CACUL1: variants seen among roughly 807,000 people sequenced by gnomAD.
The protein encoded by CACUL1 is CDK2 associated cullin domain 1.
CACUL1 carries 13 observed loss-of-function variants against 45.2 expected under a neutral mutation model. The ratio of observed to expected loss-of-function variants is 0.29; its 90% CI spans 0.19 to 0.46. The LOEUF is 0.46. Ranked by LOEUF, CACUL1 falls within the 20% of genes least tolerant of loss-of-function variation. The probability of loss-of-function intolerance (pLI) is 1.00; values close to 1 mark genes in which losing one functional copy is unlikely to be tolerated. For missense variants in CACUL1, 421 were observed against 471.4 expected, an observed-to-expected ratio of 0.89 and a Z score of 0.99; for synonymous variants, 197 against 174.2, an observed-to-expected ratio of 1.13 and a Z score of -1.03.
chr10:118,681,667 T>C lies in CACUL1; in HGVS notation c.*4461A>G, dbSNP rs1297332342. The C allele has an allele frequency of 6.6e-6, 1 of 152,138 alleles. No individual in the cohort carries two copies. Among genetic ancestry groups the C allele is most frequent in the Non-Finnish European group, 1.5e-5 (1 of 68,028 alleles). The allele number at this position is 152,138 out of a possible 1,614,324, so 9.4% of individuals were successfully genotyped here. ...CAGCAGGGATGCAATATATAGTAGGTTCCCCTATGAATGAAGCTCAAATTA... is the reference window on the plus strand; with the variant it reads ...CAGCAGGGATGCAATATATAGTAGGCTCCCCTATGAATGAAGCTCAAATTA... On this transcript the variant is annotated 3_prime_UTR_variant, in exon 9 of 9. Coordinates refer to ENST00000369151, the MANE Select transcript of CACUL1 (RefSeq NM_153810.5).
chr10:118,700,792 C>T (rs1033708288), intron 5 of CACUL1, among the ~76,000 whole-genome samples: 1 of 151,498 alleles, frequency 6.6e-6, no homozygotes, highest in African/African-American at 2.4e-5. Flanking sequence ...TACACAGGCA[C>T]ATGAAATATT....
intron 5 of CACUL1, among the ~76,000 whole-genome samples, chr10:118,695,710 G>A (rs984188861): frequency 6.6e-6 from 1 of 152,220 alleles, no homozygotes; most frequent in African/African-American, 2.4e-5. Flanking sequence ...CTAAGGGCAA[G>A]GGATGATAAT....
intron 4 of CACUL1, among the ~76,000 whole-genome samples, chr10:118,703,927 G>A (rs914261209): frequency 5.3e-5 from 8 of 151,980 alleles, no homozygotes; most frequent in African/African-American, 1.9e-4. Flanking sequence ...TGATTATCAA[G>A]GAAAGCAAAC....
intron 1 of CACUL1, among the ~76,000 whole-genome samples, 165 bp from the exon 2 acceptor site, chr10:118,730,575 T>C (rs1252977840): frequency 6.6e-6 from 1 of 152,162 alleles, no homozygotes; most frequent in South Asian, 2.1e-4. Flanking sequence ...AAAGGCAACC[T>C]GGTCAAGGAT....
intron 6 of CACUL1, 165 bp downstream of exon 6, chr10:118,694,976 C>T (rs1217010550): frequency 2.5e-5 from 13 of 509,844 alleles, no homozygotes; most frequent in Non-Finnish European, 4.4e-5. Context: ...AACATTCCAA[C>T]TGAGCTCTGA....
rs1463105198 is a variant in CACUL1 at position 118,678,768 on chromosome 10, TAC to T, written c.*7358_*7359del. On this transcript the variant is annotated 3_prime_UTR_variant, in exon 9 of 9. Transcript: ENST00000369151. ...TGGTCATCATTTGTTACATTTTGAATACACTGTTAGACTTGGTTTGCAAAAAC... is the reference window on the plus strand; with the variant it reads ...TGGTCATCATTTGTTACATTTTGAATACTGTTAGACTTGGTTTGCAAAAAC... The T allele has an allele frequency of 6.6e-6, 1 of 152,242 alleles. No homozygotes were observed. Among genetic ancestry groups the T allele is most frequent in the Non-Finnish European group, 1.5e-5 (1 of 68,036 alleles). 9.4% of individuals were successfully genotyped at this position (152,242 alleles called of 1,614,324 possible). A position where few individuals can be genotyped will look rare whatever the true frequency, so the allele number is the denominator to read the frequency against.
rs751300797 is a variant in CACUL1 at position 118,726,569 on chromosome 10, G to A, written c.597+2726C>T. Among the ~76,000 whole-genome samples the A allele has an allele frequency of 5.3e-5, 8 of 152,108 alleles. No individual in the cohort carries two copies. In the East Asian group the frequency reaches 1.2e-3, roughly 22 times the overall value. ...CAGAAGAAATGCCAATAGTCTGTTC[G>A]GTTTTGAGAGGAGTGCAGGAGTTCC... On this transcript the variant is annotated intron_variant, in intron 3 of 8. Transcript: ENST00000369151.
intron 5 of CACUL1, among the ~76,000 whole-genome samples, chr10:118,699,857 C>A (rs1483443239): frequency 6.6e-6 from 1 of 151,902 alleles, no homozygotes; most frequent in East Asian, 1.9e-4. Context: ...ACCGTGTTAG[C>A]CAGGATGATC....
chr10:118,751,693 A>G (rs1171991357), intron 1 of CACUL1, among the ~76,000 whole-genome samples: 2 of 152,124 alleles, frequency 1.3e-5, no homozygotes, highest in Admixed American at 1.3e-4. Context: ...TATCCCACAC[A>G]CCATATAAAT....
chr10:118,716,983 T>G (rs1845553101), intron 3 of CACUL1, among the ~76,000 whole-genome samples: 1 of 152,182 alleles, frequency 6.6e-6, no homozygotes, highest in Non-Finnish European at 1.5e-5. Flanking sequence ...TACATTTCCA[T>G]ACGCCAGTGG....
At chr10:118,744,936 G>A (rs781710513) in intron 1 of CACUL1, among the ~76,000 whole-genome samples, 2 of 152,066 alleles carry the variant, frequency 1.3e-5, no homozygotes, top group Non-Finnish European at 2.9e-5. Context: ...TTACAGGCAT[G>A]AGCCACCGCG....
intron 3 of CACUL1, among the ~76,000 whole-genome samples, chr10:118,723,758 T>C (rs1381424558): frequency 1.3e-5 from 2 of 152,168 alleles, no homozygotes; most frequent in Non-Finnish European, 2.9e-5. Context: ...ATCGAGGCTC[T>C]AGCAAATCAA....
rs1845149609 is a variant in CACUL1 at position 118,681,196 on chromosome 10, A to G, written c.*4932T>C. The G allele has an allele frequency of 6.6e-6, 1 of 152,242 alleles. No homozygotes were observed. The highest frequency in any genetic ancestry group is 6.5e-5 in the Admixed American group (1 of 15,286). 9.4% of individuals were successfully genotyped at this position (152,242 alleles called of 1,614,324 possible). A position where few individuals can be genotyped will look rare whatever the true frequency, so the allele number is the denominator to read the frequency against. ...CAGAACGCCCTGTGCTGAGCTCACT[A>G]TGGCTTCTGACATACAAGCACCACT... On this transcript the variant is annotated 3_prime_UTR_variant, in exon 9 of 9. Transcript: ENST00000369151.
chr10:118,690,704 T>G (rs1013171392), intron 7 of CACUL1, among the ~76,000 whole-genome samples: 8 of 152,128 alleles, frequency 5.3e-5, no homozygotes. Context: ...TTGAAAGAGC[T>G]CCTGGAGCTT....
intron 5 of CACUL1, among the ~76,000 whole-genome samples, chr10:118,696,343 C>T (rs928636761): frequency 5.3e-5 from 8 of 152,082 alleles, no homozygotes; most frequent in East Asian, 1.9e-4. Context: ...CAAAAAAACT[C>T]GTTTTAAGAA....
intron 3 of CACUL1, among the ~76,000 whole-genome samples, chr10:118,709,540 T>C (rs1443110019): frequency 1.3e-5 from 2 of 152,168 alleles, no homozygotes; most frequent in African/African-American, 2.4e-5. Flanking sequence ...ACGAGCATGG[T>C]ACAAAACACA....
rs562455915 is a variant in CACUL1, at chr10:118,679,170, A to C, written c.*6958T>G. The stretch of plus-strand genomic sequence containing the variant: ...TGCCTCACACCTTAGCCTCCAAATA[A>C]CTAGGACTAAAAGCAGGTACCACCA... On this transcript the variant is annotated 3_prime_UTR_variant, in exon 9 of 9. Coordinates refer to ENST00000369151, the MANE Select transcript of CACUL1 (RefSeq NM_153810.5). 5.5e-4 allele frequency: 83 copies of C among 152,164 alleles called. 1 individual carries two copies. Among genetic ancestry groups the C allele is most frequent in the African/African-American group, 1.9e-3 (79 of 41,486 alleles). The allele number at this position is 152,164 out of a possible 1,614,324, so 9.4% of individuals were successfully genotyped here.
intron 3 of CACUL1, among the ~76,000 whole-genome samples, chr10:118,719,759 C>T (rs989049914): frequency 9.2e-5 from 14 of 151,436 alleles, no homozygotes; most frequent in Non-Finnish European, 8.8e-5. Flanking sequence ...TGCGGTGAGC[C>T]GAGATGGCAC....
intron 3 of CACUL1, among the ~76,000 whole-genome samples, chr10:118,723,776 AT>A (rs528165505): frequency 6.6e-6 from 1 of 150,824 alleles, no homozygotes; most frequent in African/African-American, 2.4e-5. Context: ...CAAGACCACC[AT>A]TTTTTTTTCT....
Sources: allele counts gnomAD v4.1 joint callset (sites outside exome capture counted in the v4.1 genomes callset), GRCh38; gene constraint gnomAD v4.1.1; transcripts MANE v1.5; gene names NCBI Gene and HGNC (gene_info 2026-07-23, HGNC 2026-07-21).